KLHL7: variants seen among roughly 807,000 people sequenced by gnomAD.
KLHL7 encodes the protein kelch-like protein 7.
Under a neutral mutation model 67.4 loss-of-function variants are expected in KLHL7, and 44 were observed. The ratio of observed to expected loss-of-function variants is 0.65; its 90% CI spans 0.51 to 0.84. The LOEUF is 0.84. Among genes scored for constraint, KLHL7 ranks in the 40% least tolerant of loss-of-function variants. The probability of loss-of-function intolerance (pLI) is 0.00; values close to 1 mark genes in which losing one functional copy is unlikely to be tolerated. For missense variants in KLHL7, 362 were observed against 718.1 expected (o/e 0.50, Z 5.67); for synonymous variants, 252 against 243.3 (o/e 1.04, Z -0.33).
In KLHL7 at chr7:23,174,407, T is replaced by A. The variant is rs1276200814; in HGVS notation, c.*109T>A. 6 of 1,140,396 alleles carry A rather than the reference T, an allele frequency of 5.3e-6. No homozygotes were observed. In the South Asian group the frequency reaches 6.4e-5, roughly 12 times the overall value. The allele number at this position is 1,140,396 out of a possible 1,614,324, so 70.6% of individuals were successfully genotyped here. A position where few individuals can be genotyped will look rare whatever the true frequency, so the allele number is the denominator to read the frequency against. On this transcript the variant is annotated 3_prime_UTR_variant, in exon 11 of 11. Coordinates refer to ENST00000339077, the MANE Select transcript of KLHL7 (RefSeq NM_001031710.3). ...GGTTTGGTGTTTTGGTAAAGAAAGT[T>A]TCAAGTGAAATGAGGTTCCTATAAA...
chr7:23,156,502 T>C (rs1055581656), intron 7 of KLHL7, among the ~76,000 whole-genome samples: 1 of 152,220 alleles, frequency 6.6e-6, no homozygotes, highest in African/African-American at 2.4e-5. Flanking sequence ...AAATAAAAGT[T>C]GACTTAACTG....
chr7:23,145,751 A>G (rs139780986), intron 6 of KLHL7, among the ~76,000 whole-genome samples: 1 of 152,050 alleles, frequency 6.6e-6, no homozygotes, highest in African/African-American at 2.4e-5. Context: ...ATTTTACTTT[A>G]TTTTTTTGAG....
intron 1 of KLHL7, among the ~76,000 whole-genome samples, chr7:23,118,889 C>G (rs539008555): frequency 6.6e-6 from 1 of 151,836 alleles, no homozygotes; most frequent in East Asian, 1.9e-4. Flanking sequence ...CTGGGCAACA[C>G]AGTGAGACCT....
chr7:23,110,099 C>T (rs77328983), intron 1 of KLHL7, among the ~76,000 whole-genome samples: 1 of 152,328 alleles, frequency 6.6e-6, no homozygotes, highest in African/African-American at 2.4e-5. Context: ...CACTAATTTC[C>T]ACTAGACTAT....
intron 6 of KLHL7, among the ~76,000 whole-genome samples, chr7:23,150,824 T>A (rs184132094): frequency 6.6e-6 from 1 of 152,288 alleles, no homozygotes. Context: ...GTGAAAAAAG[T>A]ATGATTTTAA....
At position 23,106,599 on chromosome 7, in the gene KLHL7, G is replaced by T. The variant is rs1220430127; in HGVS notation, c.120+453G>T. 38 of 1,038,508 alleles carry T rather than the reference G, an allele frequency of 3.7e-5. No individual in the cohort carries two copies. The South Asian group carries it at 6.4e-4, about 17-fold the overall frequency. The allele number at this position is 1,038,508 out of a possible 1,614,324, so 64.3% of individuals were successfully genotyped here. ...CAGCTGCTCTTAAATAAGGATCCCC[G>T]CCCCCTCCTGTGTTCCCCGGTGGAG... is the stretch of plus-strand genomic sequence containing the variant. On this transcript the variant is annotated intron_variant, in intron 1 of 10. Coordinates refer to ENST00000339077, the MANE Select transcript of KLHL7 (RefSeq NM_001031710.3).
chr7:23,124,677 C>T lies in KLHL7; in HGVS notation c.224-11C>T, dbSNP rs1433967228. The T allele has an allele frequency of 1.3e-6, 2 of 1,560,026 alleles. No individual in the cohort carries two copies. The highest frequency in any genetic ancestry group is 1.8e-6 in the Non-Finnish European group (2 of 1,130,798). On this transcript the variant is annotated splice_polypyrimidine_tract_variant and intron_variant, in intron 2 of 10. Coordinates refer to ENST00000339077, the MANE Select transcript of KLHL7 (RefSeq NM_001031710.3). ...TACAGATGCCATTTATGTTTCTTCT[C>T]TTCATTGTAGCTAACATGCTTGAAT...
intron 6 of KLHL7, among the ~76,000 whole-genome samples, chr7:23,147,788 T>C (rs1272858700): frequency 3.3e-5 from 5 of 152,196 alleles, no homozygotes; most frequent in African/African-American, 1.2e-4. Context: ...GCAGGTAGGG[T>C]AAATTCAAAC....
At chr7:23,107,870 T>C (rs1782708704) in intron 1 of KLHL7, among the ~76,000 whole-genome samples, 1 of 152,236 alleles carries the variant, frequency 6.6e-6, no homozygotes, top group South Asian at 2.1e-4. Context: ...TTGCAAGATG[T>C]GCAGTTTCAC....
chr7:23,137,151 G>A (rs1784007486), intron 4 of KLHL7, among the ~76,000 whole-genome samples: 1 of 152,154 alleles, frequency 6.6e-6, no homozygotes, highest in Non-Finnish European at 1.5e-5. Context: ...CAGGCATGGT[G>A]GTGTGTGCCT....
chr7:23,106,754 G>C, intron 1 of KLHL7: 2 of 986,518 alleles, frequency 2.0e-6, no homozygotes, highest in Non-Finnish European at 2.4e-6. Flanking sequence ...TGTCCTTGGT[G>C]TGTGGTGCAT....
chr7:23,112,794 A>G (rs748347391), intron 1 of KLHL7, among the ~76,000 whole-genome samples: 5 of 152,232 alleles, frequency 3.3e-5, no homozygotes, highest in Non-Finnish European at 7.3e-5. Flanking sequence ...TGAGTAGAAT[A>G]TGAGGAAATT....
intron 4 of KLHL7, chr7:23,126,190 A>G: frequency 2.8e-6 from 1 of 352,750 alleles, no homozygotes; most frequent in Non-Finnish European, 5.4e-6. Flanking sequence ...GTTATACAGC[A>G]TGGATATGCT....
intron 8 of KLHL7, among the ~76,000 whole-genome samples, chr7:23,166,466 C>A (rs1394787066): frequency 6.6e-6 from 1 of 151,922 alleles, no homozygotes; most frequent in Non-Finnish European, 1.5e-5. Flanking sequence ...GTGTTAGTGT[C>A]CAGTAGTGCT....
chr7:23,146,622 G>T lies in KLHL7; in HGVS notation c.793+2597G>T, dbSNP rs369075723. Among the ~76,000 whole-genome samples the T allele has an allele frequency of 3.3e-5, 5 of 150,638 alleles. No homozygotes were observed. In the South Asian group the frequency reaches 6.3e-4, roughly 19 times the overall value. ...TAAAAATTAGCTAAATTTTCCTCTT[G>T]TGCATTTATCACTTATAGAGTTCTT... On this transcript the variant is annotated intron_variant, in intron 6 of 10. Coordinates refer to ENST00000339077, the MANE Select transcript of KLHL7 (RefSeq NM_001031710.3).
chr7:23,123,707 C>CT, intron 1 of KLHL7, 70 bp from the exon 2 acceptor site: 1 of 998,676 alleles, frequency 1.0e-6, no homozygotes, highest in Middle Eastern at 2.5e-4. Flanking sequence ...TGGCAAGCAC[C>CT]TTTTTAACAT....
intron 7 of KLHL7, among the ~76,000 whole-genome samples, chr7:23,163,292 TC>T (rs1451647265): frequency 1.3e-5 from 2 of 152,114 alleles, no homozygotes; most frequent in South Asian, 4.1e-4. Flanking sequence ...TGCCTCAGCC[TC>T]CCGAGTAGCA....
chr7:23,152,282 G>C, intron 7 of KLHL7, 73 bp downstream of exon 7: 1 of 1,334,708 alleles, frequency 7.5e-7, no homozygotes, highest in Non-Finnish European at 1.1e-6. Flanking sequence ...TCACCAACTA[G>C]AAGTAGTAAT....
intron 7 of KLHL7, among the ~76,000 whole-genome samples, chr7:23,153,196 T>C (rs935271983): frequency 3.5e-5 from 5 of 142,016 alleles, no homozygotes; most frequent in African/African-American, 1.3e-4. Flanking sequence ...TTCCTTCATA[T>C]TGTCCTTCAA....
Sources: gnomAD v4.1 joint callset for allele counts (sites outside exome capture counted in the v4.1 genomes callset) on GRCh38, gnomAD v4.1.1 for gene constraint, MANE v1.5 for transcripts, NCBI Gene and HGNC (gene_info 2026-07-23, HGNC 2026-07-21) for gene names.